BARD1: variants seen among roughly 807,000 people sequenced by gnomAD.
BARD1 encodes BRCA1-associated RING domain protein 1.
Under a neutral mutation model 77.0 loss-of-function variants are expected in BARD1, and 73 were observed. That is an observed-to-expected ratio of 0.95 (90% CI 0.79 to 1.15). The LOEUF (loss-of-function observed/expected upper bound fraction) is 1.15. Among genes scored for constraint, BARD1 ranks in the 50% most tolerant of loss-of-function variants. The probability of loss-of-function intolerance (pLI) is 0.00; values close to 1 mark genes in which losing one functional copy is unlikely to be tolerated. For missense variants in BARD1, 993 were observed against 938.8 expected (o/e 1.06, Z -0.75); for synonymous variants, 384 against 338.0 (o/e 1.14, Z -1.49).
rs1477127429 is a variant in BARD1, at chr2:214,727,239, C to A, written c.*1437G>T. On this transcript the variant is annotated 3_prime_UTR_variant, in exon 11 of 11. Coordinates refer to ENST00000260947, the MANE Select transcript of BARD1 (RefSeq NM_000465.4). ...CAACATGTCAAAGAAAGAATTAAAG[C>A]AAAATGTGTTTTCAAATGATAAACA... 1 of 228,030 alleles carries A rather than the reference C, an allele frequency of 4.4e-6. No homozygotes were observed. Among genetic ancestry groups the A allele is most frequent in the East Asian group, 6.3e-5 (1 of 15,822 alleles). The allele number at this position is 228,030 out of a possible 1,614,324, so 14.1% of individuals were successfully genotyped here.
chr2:214,809,055 G>A (rs551430526), intron 1 of BARD1, among the ~76,000 whole-genome samples: 14 of 152,284 alleles, frequency 9.2e-5, no homozygotes, highest in Non-Finnish European at 1.8e-4. Flanking sequence ...ATCCAGGGCC[G>A]GGTAAAAAAT....
At chr2:214,799,200 C>G (rs1695899831) in intron 1 of BARD1, among the ~76,000 whole-genome samples, 1 of 152,156 alleles carries the variant, frequency 6.6e-6, no homozygotes, top group African/African-American at 2.4e-5. Flanking sequence ...ACTGGGGAGG[C>G]TGAGGCACAA....
intron 1 of BARD1, among the ~76,000 whole-genome samples, chr2:214,801,565 A>G (rs1278158677): frequency 1.3e-5 from 2 of 151,816 alleles, no homozygotes; most frequent in East Asian, 3.9e-4. Flanking sequence ...CTCAACAAAA[A>G]CTCTGCTGTG....
intron 9 of BARD1, among the ~76,000 whole-genome samples, chr2:214,737,130 C>T (rs1692602075): frequency 6.6e-6 from 1 of 152,052 alleles, no homozygotes; most frequent in Non-Finnish European, 1.5e-5. Context: ...CAAATGCCTA[C>T]AAAAGCCAGG....
At chr2:214,779,728 A>G (rs1694891151) in intron 4 of BARD1, among the ~76,000 whole-genome samples, 17 of 152,288 alleles carry the variant, frequency 1.1e-4, no homozygotes, top group Admixed American at 1.1e-3. Flanking sequence ...ACCCATCCAG[A>G]AGACCAAAGG....
At chr2:214,767,894 A>AGC (rs1164223777) in intron 5 of BARD1, among the ~76,000 whole-genome samples, 1 of 152,196 alleles carries the variant, frequency 6.6e-6, no homozygotes, top group African/African-American at 2.4e-5. Flanking sequence ...CCTTGGGTCA[A>AGC]GCACTTTTCT....
At chr2:214,733,861 C>T (rs78657436) in intron 9 of BARD1, among the ~76,000 whole-genome samples, 10,073 of 152,024 alleles carry the variant, frequency 0.066, 470 homozygotes, top group African/African-American at 0.13. Context: ...GTCCAGAAAT[C>T]CTAAGAACTT....
chr2:214,776,699 A>G (rs1331856765), intron 4 of BARD1, among the ~76,000 whole-genome samples: 1 of 152,210 alleles, frequency 6.6e-6, no homozygotes, highest in Non-Finnish European at 1.5e-5. Flanking sequence ...AAATGTCCAC[A>G]CACGAATAAT....
intron 2 of BARD1, among the ~76,000 whole-genome samples, chr2:214,793,991 C>T (rs1203820497): frequency 4.6e-5 from 7 of 152,130 alleles, no homozygotes; most frequent in African/African-American, 1.7e-4. Context: ...GTGATTCATT[C>T]CTGTAATCTC....
At chr2:214,781,595 C>T in intron 3 of BARD1, 86 bp from the exon 4 acceptor site, 1 of 1,028,156 alleles carries the variant, frequency 9.7e-7, no homozygotes, top group South Asian at 1.4e-5. Flanking sequence ...TTACAGTTCC[C>T]CTAAAGTGTA....
chr2:214,738,871 C>G (rs1225881765), intron 9 of BARD1, among the ~76,000 whole-genome samples: 2 of 152,052 alleles, frequency 1.3e-5, no homozygotes, highest in Admixed American at 6.6e-5. Context: ...TAGGCCAGAC[C>G]TGGTGGCTCG....
Position 214,727,301 on chromosome 2 carries a change from T to C in BARD1, c.*1375A>G. ...TTTCAAGTAAGTGCATCTTAAGATG[T>C]TGATGAACTTCAGAGATTCTCACTA... On this transcript the variant is annotated 3_prime_UTR_variant, in exon 11 of 11. Coordinates refer to ENST00000260947, the MANE Select transcript of BARD1 (RefSeq NM_000465.4). 1 of 231,482 alleles carries C rather than the reference T, an allele frequency of 4.3e-6. No individual in the cohort carries two copies. The highest frequency in any genetic ancestry group is 8.6e-6 in the Non-Finnish European group (1 of 116,956). The allele number at this position is 231,482 out of a possible 1,614,324, so 14.3% of individuals were successfully genotyped here. A position where few individuals can be genotyped will look rare whatever the true frequency, so the allele number is the denominator to read the frequency against.
At chr2:214,729,959 G>A (rs943635366) in intron 10 of BARD1, among the ~76,000 whole-genome samples, 5 of 152,008 alleles carry the variant, frequency 3.3e-5, no homozygotes, top group African/African-American at 9.7e-5. Flanking sequence ...ACATACTTCC[G>A]TATGCTCGTT....
intron 9 of BARD1, among the ~76,000 whole-genome samples, chr2:214,733,218 T>C (rs1234562423): frequency 1.3e-5 from 2 of 152,236 alleles, no homozygotes; most frequent in Non-Finnish European, 2.9e-5. Flanking sequence ...CAAGTATCCC[T>C]TATCTGAAGT....
At position 214,741,356 on chromosome 2, in the gene BARD1, T is replaced by C. The variant is rs115622875; in HGVS notation, c.1903+3711A>G. On this transcript the variant is annotated intron_variant, in intron 9 of 10. Transcript: ENST00000260947. ...AAAGAAGATGTAGAATTAAATTTAT[T>C]TTAGAAAAAAAGGCTAAGATACAAA... Among the ~76,000 whole-genome samples the C allele has an allele frequency of 3.8e-3, 575 of 152,230 alleles. 1 individual carries two copies. Among genetic ancestry groups the C allele is most frequent in the African/African-American group, 0.013 (528 of 41,560 alleles).
chr2:214,757,288 C>T (rs1693736754), intron 6 of BARD1, among the ~76,000 whole-genome samples: 1 of 151,396 alleles, frequency 6.6e-6, no homozygotes, highest in Non-Finnish European at 1.5e-5. Flanking sequence ...CAGATTTCAC[C>T]AGTTTTTTTT....
At chr2:214,736,066 C>T (rs1692553096) in intron 9 of BARD1, among the ~76,000 whole-genome samples, 1 of 151,902 alleles carries the variant, frequency 6.6e-6, no homozygotes, top group South Asian at 2.1e-4. Context: ...TTTAAATTAT[C>T]ATAAATGTGC....
At position 214,787,481 on chromosome 2, in the gene BARD1, T is replaced by A. The variant is rs565209570; in HGVS notation, c.364+4816A>T. Among the ~76,000 whole-genome samples the A allele has an allele frequency of 2.6e-5, 4 of 152,040 alleles. No homozygotes were observed. In the East Asian group the frequency reaches 7.7e-4, roughly 29 times the overall value. On this transcript the variant is annotated intron_variant, in intron 3 of 10. Coordinates refer to ENST00000260947, the MANE Select transcript of BARD1 (RefSeq NM_000465.4). ...GAATATCTAAGATAATATTCTAAGA[T>A]AAAACTGTAAAAAGCAAAACACTAT...
chr2:214,746,838 A>G (rs952188779), intron 7 of BARD1, among the ~76,000 whole-genome samples: 1 of 152,154 alleles, frequency 6.6e-6, no homozygotes, highest in East Asian at 1.9e-4. Context: ...TGGCAACAAA[A>G]GCCAAAATTG....
Sources: gnomAD v4.1 joint callset for allele counts (sites outside exome capture counted in the v4.1 genomes callset) on GRCh38, gnomAD v4.1.1 for gene constraint, MANE v1.5 for transcripts, NCBI Gene and HGNC (gene_info 2026-07-23, HGNC 2026-07-21) for gene names.